Variants in ACAD10 observed in about 807,000 individuals in gnomAD.
The protein encoded by ACAD10 is acyl-CoA dehydrogenase family member 10.
Under a neutral mutation model 116.8 loss-of-function variants are expected in ACAD10, and 112 were observed. That is an observed-to-expected ratio of 0.96 (90% CI 0.82 to 1.12). The LOEUF (loss-of-function observed/expected upper bound fraction) is 1.12. Ranked by LOEUF, ACAD10 falls within the 50% of genes most tolerant of loss-of-function variation. The pLI, the probability that ACAD10 is intolerant of heterozygous loss-of-function variation, is 0.00. For synonymous variants in ACAD10, 486 were observed against 510.6 expected, an observed-to-expected ratio of 0.95 and a Z score of 0.65; for missense variants, 1,259 against 1,350.2, an observed-to-expected ratio of 0.93 and a Z score of 1.06.
At position 111,712,505 on chromosome 12, in the gene ACAD10, AC is replaced by A; in HGVS notation, c.701del (p.Pro234GlnfsTer5). On this transcript the variant is annotated frameshift_variant, in exon 6 of 21. Coordinates refer to ENST00000313698, the MANE Select transcript of ACAD10 (RefSeq NM_025247.6). LOFTEE classifies it high-confidence loss of function. ...RLGIHTIKVNDPETAVKELEA... is the reference protein window; with the variant it reads ...RLGIHTIKVNXPETAVKELEA... ...TATTCTCTCTGAAACCAGGTTAATG[AC>A]CCAGAGACTGCAGTAAAGGAATTAG... 6.2e-7 allele frequency: 1 copy of A among 1,612,786 alleles called. No homozygotes were observed. Among genetic ancestry groups the A allele is most frequent in the Non-Finnish European group, 8.5e-7 (1 of 1,179,512 alleles).
intron 2 of ACAD10, among the ~76,000 whole-genome samples, chr12:111,698,768 G>A (rs1888266612): frequency 6.6e-6 from 1 of 152,156 alleles, no homozygotes; most frequent in African/African-American, 2.4e-5. Context: ...GAGCCACTGC[G>A]CCCGGCCGGT....
chr12:111,729,707 G>T, intron 9 of ACAD10, 99 bp from the exon 10 acceptor site: 3 of 1,434,142 alleles, frequency 2.1e-6, no homozygotes, highest in Non-Finnish European at 2.9e-6. Flanking sequence ...ACCACCCAGT[G>T]CAGAGCATGA....
intron 20 of ACAD10, 80 bp from the exon 21 acceptor site, chr12:111,756,253 C>T: frequency 6.7e-7 from 1 of 1,489,110 alleles, no homozygotes; most frequent in Non-Finnish European, 8.8e-7. Context: ...TATGGGCCAT[C>T]AAGAGCAGGC....
rs1889889123 is a variant in ACAD10 at position 111,746,132 on chromosome 12, T to C, written c.2116-12T>C. 4 of 1,602,620 alleles carry C rather than the reference T, an allele frequency of 2.5e-6. No homozygotes were observed. Among genetic ancestry groups the C allele is most frequent in the Non-Finnish European group, 3.4e-6 (4 of 1,177,478 alleles). On this transcript the variant is annotated splice_polypyrimidine_tract_variant and intron_variant, in intron 13 of 20. Transcript: ENST00000313698. ...TCCACTGTGGTTTCCTGACTTATTTTCCCCATGATAGGAGAAAGCCAAAGC... is the reference window on the plus strand; with the variant it reads ...TCCACTGTGGTTTCCTGACTTATTTCCCCCATGATAGGAGAAAGCCAAAGC...
intron 5 of ACAD10, chr12:111,710,039 G>C: frequency 3.0e-6 from 1 of 335,622 alleles, no homozygotes. Flanking sequence ...GCTCACTGCT[G>C]TAAAGCACGA....
Position 111,709,553 on chromosome 12 carries a change from T to G in ACAD10, c.559T>G (p.Cys187Gly). 1 of 1,609,152 alleles carries G rather than the reference T, an allele frequency of 6.2e-7. No homozygotes were observed. The highest frequency in any genetic ancestry group is 8.5e-7 in the Non-Finnish European group (1 of 1,178,466). The part of the protein sequence containing the change: ...VIVESCMEGI[C>G]KPDPRIYKLC... ...TGTGGAGTCCTGCATGGAAGGGATC[T>G]GTAAGCCAGACCCTAGGATCTACAA... The change falls in exon 5 of 21, where the codon TGT (cysteine) becomes GGT (glycine). Residue 187 changes from cysteine to glycine, a missense_variant. Cys to Gly is a radical substitution (Grantham distance 159). Transcript: ENST00000313698.
intron 5 of ACAD10, among the ~76,000 whole-genome samples, chr12:111,711,461 G>A (rs1390918933): frequency 1.3e-5 from 2 of 151,538 alleles, no homozygotes; most frequent in African/African-American, 2.4e-5. Context: ...CGCCTGCCTC[G>A]GCCTCCCAAA....
At chr12:111,701,080 C>G (rs2135948817) in intron 2 of ACAD10, among the ~76,000 whole-genome samples, 1 of 151,978 alleles carries the variant, frequency 6.6e-6, no homozygotes, top group African/African-American at 2.4e-5. Context: ...GCATAGTTTT[C>G]TATGAAATAT....
chr12:111,693,298 G>T (rs1166600258), intron 2 of ACAD10, among the ~76,000 whole-genome samples: 1 of 152,152 alleles, frequency 6.6e-6, no homozygotes, highest in Non-Finnish European at 1.5e-5. Flanking sequence ...CAGCACTTTT[G>T]GAGGCCGAGG....
intron 7 of ACAD10, among the ~76,000 whole-genome samples, chr12:111,718,038 T>C (rs1388860812): frequency 1.6e-5 from 1 of 63,418 alleles, no homozygotes; most frequent in East Asian, 7.8e-3. Flanking sequence ...GTGATATCCT[T>C]TTTTTTTTTT....
intron 8 of ACAD10, among the ~76,000 whole-genome samples, chr12:111,723,399 G>A (rs1889096346): frequency 7.2e-6 from 1 of 138,674 alleles, no homozygotes; most frequent in Admixed American, 7.0e-5. Context: ...CCCGGACGGG[G>A]CGGCTGGCCG....
chr12:111,734,201 A>G (rs1889483492), intron 11 of ACAD10, 133 bp downstream of exon 11: 13 of 1,252,748 alleles, frequency 1.0e-5, no homozygotes, highest in South Asian at 1.4e-5. Context: ...GGTGGGAAAC[A>G]TAACTAGAAT....
At chr12:111,728,475 A>G (rs1468292605) in intron 9 of ACAD10, among the ~76,000 whole-genome samples, 1 of 151,362 alleles carries the variant, frequency 6.6e-6, no homozygotes, top group Admixed American at 6.6e-5. Flanking sequence ...GATACTGACC[A>G]TAGGTATTTA....
intron 18 of ACAD10, chr12:111,753,170 A>G: frequency 4.9e-6 from 1 of 202,622 alleles, no homozygotes; most frequent in Non-Finnish European, 1.0e-5. Context: ...AAAAGAAGGA[A>G]AAAGAATAAA....
In ACAD10 at chr12:111,746,295, T is replaced by A. The variant is rs756745722; in HGVS notation, c.2256+11T>A. On this transcript the variant is annotated intron_variant, in intron 14 of 20. Coordinates refer to ENST00000313698, the MANE Select transcript of ACAD10 (RefSeq NM_025247.6). ...CTGTATGCCCCCGAGGTACCTTCTT[T>A]AAAGTTTTCCTCAGTGTGTGGGAAC... 6.2e-7 allele frequency: 1 copy of A among 1,608,306 alleles called. No individual in the cohort carries two copies. Among genetic ancestry groups the A allele is most frequent in the Non-Finnish European group, 8.5e-7 (1 of 1,178,244 alleles).
At chr12:111,742,975 G>A (rs1052963332) in intron 12 of ACAD10, among the ~76,000 whole-genome samples, 2 of 152,096 alleles carry the variant, frequency 1.3e-5, no homozygotes, top group Non-Finnish European at 2.9e-5. Context: ...CCAAAGTGCT[G>A]GGGTTACAGG....
chr12:111,733,528 G>A (rs1253054655), intron 10 of ACAD10, among the ~76,000 whole-genome samples: 3 of 152,074 alleles, frequency 2.0e-5, no homozygotes, highest in African/African-American at 7.2e-5. Flanking sequence ...TCTTATATCT[G>A]TTAGAAGCAA....
At chr12:111,704,063 T>C (rs1198596527) in intron 3 of ACAD10, among the ~76,000 whole-genome samples, 1 of 151,570 alleles carries the variant, frequency 6.6e-6, no homozygotes, top group Admixed American at 6.6e-5. Context: ...AGATAGAAAG[T>C]AGATTGGTGG....
In ACAD10 at chr12:111,736,951, C is replaced by G. The variant is rs753599129; in HGVS notation, c.1661C>G (p.Ser554Cys). ...TENWNFYMAFSFFRVAAILQG... is the reference protein window; with the variant it reads ...TENWNFYMAFCFFRVAAILQG... Reference sequence around the variant, plus strand: ...AACTGGAACTTCTATATGGCTTTTTCCTTTTTCCGTGTGGCTGCAATCCTA... The same window carrying G: ...AACTGGAACTTCTATATGGCTTTTTGCTTTTTCCGTGTGGCTGCAATCCTA... The change falls in exon 12 of 21, where the codon TCC becomes TGC. Residue 554 changes from serine (S) to cysteine (C), a missense_variant. Transcript: ENST00000313698. The G allele has an allele frequency of 3.5e-5, 56 of 1,613,858 alleles. No homozygotes were observed. The highest frequency in any genetic ancestry group is 5.0e-5 in the Admixed American group (3 of 59,988).
Sources: allele counts gnomAD v4.1 joint callset (sites outside exome capture counted in the v4.1 genomes callset), GRCh38; gene constraint gnomAD v4.1.1; transcripts MANE v1.5; gene names NCBI Gene and HGNC (gene_info 2026-07-23, HGNC 2026-07-21).